SLC25A12: variants seen among roughly 807,000 people sequenced by gnomAD.
The protein encoded by SLC25A12 is solute carrier family 25 member 12, also known as electrogenic aspartate/glutamate antiporter SLC25A12, mitochondrial.
A neutral mutation model predicts 83.3 loss-of-function variants in SLC25A12; 32 were observed. That is an observed-to-expected ratio of 0.38 (90% CI 0.29 to 0.52). The LOEUF (loss-of-function observed/expected upper bound fraction) is 0.52, where lower values mean the gene tolerates loss of function less well. Among genes scored for constraint, SLC25A12 ranks in the 20% least tolerant of loss-of-function variants. The pLI is 0.84. For synonymous variants in SLC25A12, 267 were observed against 291.1 expected (o/e 0.92, Z 0.84); for missense variants, 611 against 835.6 (o/e 0.73, Z 3.31).
chr2:171,783,948 T>C lies in SLC25A12; in HGVS notation c.*1326A>G, dbSNP rs1339078365. 6.6e-6 allele frequency among the ~76,000 whole-genome samples: 1 copy of C among 152,224 alleles called. No homozygotes were observed. The highest frequency in any genetic ancestry group is 6.5e-5 in the Admixed American group (1 of 15,284). Reference sequence around the variant, plus strand: ...GGCTCGCCTCTTGAAAATATTTGCATACATTCTCATATCCCAGCTTACTGG... The same window carrying C: ...GGCTCGCCTCTTGAAAATATTTGCACACATTCTCATATCCCAGCTTACTGG... On this transcript the variant is annotated 3_prime_UTR_variant, in exon 18 of 18. Coordinates refer to ENST00000422440, the MANE Select transcript of SLC25A12 (RefSeq NM_003705.5).
chr2:171,877,726 A>G (rs1300233125), intron 2 of SLC25A12, among the ~76,000 whole-genome samples: 2 of 151,980 alleles, frequency 1.3e-5, no homozygotes, highest in Admixed American at 6.6e-5. Context: ...TTAACTACAC[A>G]TTACAAAGAC....
At chr2:171,805,257 C>A (rs537895581) in intron 13 of SLC25A12, among the ~76,000 whole-genome samples, 1 of 151,860 alleles carries the variant, frequency 6.6e-6, no homozygotes, top group Non-Finnish European at 1.5e-5. Flanking sequence ...TGTAGGAACG[C>A]GCCACTTCAC....
At chr2:171,836,985 A>C (rs1684572825) in intron 6 of SLC25A12, 136 bp downstream of exon 6, 6 of 763,270 alleles carry the variant, frequency 7.9e-6, no homozygotes, top group African/African-American at 3.5e-5. Flanking sequence ...CACACACACA[A>C]ACCTGTTTAC....
chr2:171,874,588 A>T (rs1417360554), intron 2 of SLC25A12, among the ~76,000 whole-genome samples: 8 of 152,312 alleles, frequency 5.3e-5, no homozygotes, highest in Non-Finnish European at 1.2e-4. Flanking sequence ...AGAGGTGTCT[A>T]TTCTCTAATA....
intron 8 of SLC25A12, among the ~76,000 whole-genome samples, chr2:171,830,815 G>A (rs1574705126): frequency 1.3e-5 from 2 of 152,108 alleles, no homozygotes; most frequent in African/African-American, 4.8e-5. Flanking sequence ...ACCCAGCCAG[G>A]TTGTTTAATA....
chr2:171,819,362 TTA>T (rs1311239954), intron 9 of SLC25A12, among the ~76,000 whole-genome samples: 6 of 84,818 alleles, frequency 7.1e-5, no homozygotes, highest in Non-Finnish European at 1.4e-4. Flanking sequence ...TGTATTTATA[TTA>T]TATATAATAT....
At chr2:171,787,984 A>G (rs374295620) in intron 15 of SLC25A12, 37 bp from the exon 16 acceptor site, 36 of 1,608,412 alleles carry the variant, frequency 2.2e-5, no homozygotes, top group Non-Finnish European at 3.1e-5. Flanking sequence ...TATCTAGAGT[A>G]CCTTATAAAA....
intron 9 of SLC25A12, among the ~76,000 whole-genome samples, chr2:171,817,591 ACT>A (rs534473257): frequency 1.5e-3 from 132 of 87,096 alleles, no homozygotes; most frequent in Middle Eastern, 8.2e-3. Context: ...ACAGAGCAAG[ACT>A]CTGCCTCAAA....
chr2:171,860,872 A>AAAAGTTCAAGACCAGCCTAAGCAACATAG (rs1685143049), intron 3 of SLC25A12, among the ~76,000 whole-genome samples: 1 of 152,112 alleles, frequency 6.6e-6, no homozygotes, highest in Non-Finnish European at 1.5e-5. Flanking sequence ...GCTTAAGCCC[A>AAAAGTTCAAGACCAGCCTAAGCAACATAG]AAAGTTCAAG....
At chr2:171,802,277 G>A (rs1683723993) in intron 13 of SLC25A12, among the ~76,000 whole-genome samples, 1 of 152,084 alleles carries the variant, frequency 6.6e-6, no homozygotes, top group African/African-American at 2.4e-5. Context: ...AAGTGTGGAG[G>A]TTACAGTCAT....
intron 9 of SLC25A12, among the ~76,000 whole-genome samples, chr2:171,826,558 G>A (rs565635886): frequency 5.9e-5 from 9 of 152,222 alleles, no homozygotes; most frequent in Admixed American, 2.0e-4. Flanking sequence ...GCAGTAAGCC[G>A]AGATCACGCC....
At chr2:171,832,952 G>A (rs1684474136) in intron 8 of SLC25A12, among the ~76,000 whole-genome samples, 1 of 152,154 alleles carries the variant, frequency 6.6e-6, no homozygotes, top group African/African-American at 2.4e-5. Flanking sequence ...TATAACAACA[G>A]CTGTCCACAT....
chr2:171,843,927 C>T (rs1684737121), intron 5 of SLC25A12, among the ~76,000 whole-genome samples: 2 of 151,208 alleles, frequency 1.3e-5, no homozygotes, highest in African/African-American at 4.9e-5. Context: ...TCCCAAGTAG[C>T]TAGGACTACA....
chr2:171,831,041 G>T (rs1427225941), intron 8 of SLC25A12, among the ~76,000 whole-genome samples: 2 of 152,262 alleles, frequency 1.3e-5, no homozygotes, highest in Non-Finnish European at 2.9e-5. Context: ...ATCAGTGACT[G>T]AGCAGCGAGC....
At chr2:171,813,747 A>C (rs1683992962) in intron 10 of SLC25A12, among the ~76,000 whole-genome samples, 1 of 152,252 alleles carries the variant, frequency 6.6e-6, no homozygotes, top group African/African-American at 2.4e-5. Flanking sequence ...GTAGGTTCAT[A>C]AACTACAGAG....
chr2:171,893,266 CA>C lies in SLC25A12; in HGVS notation c.13-9del. On this transcript the variant is annotated splice_polypyrimidine_tract_variant and intron_variant, in intron 1 of 17. Coordinates refer to ENST00000422440, the MANE Select transcript of SLC25A12 (RefSeq NM_003705.5). The stretch of plus-strand genomic sequence containing the variant: ...TCGCTTAGTTGTCTGCACCTGTAAG[CA>C]AAAAAGAAAAAAAAGCCAGTTAATG... The C allele has an allele frequency of 6.2e-7, 1 of 1,609,780 alleles. No individual in the cohort carries two copies. The highest frequency in any genetic ancestry group is 1.7e-5 in the Admixed American group (1 of 59,150).
Position 171,835,993 on chromosome 2 carries a change from A to T in SLC25A12, c.612+1128T>A, listed in dbSNP as rs3770447. 7.3e-4 allele frequency among the ~76,000 whole-genome samples: 111 copies of T among 152,298 alleles called. 3 individuals are homozygous for T. In the East Asian group the frequency reaches 0.019, roughly 25 times the overall value. On this transcript the variant is annotated intron_variant, in intron 6 of 17. Coordinates refer to ENST00000422440, the MANE Select transcript of SLC25A12 (RefSeq NM_003705.5). ...TAGGTCTATCTAACCTAGTTGGAAA[A>T]GATTAAATGAGTCCCTTCCCACTAA...
chr2:171,793,371 G>T (rs370785414), intron 14 of SLC25A12, among the ~76,000 whole-genome samples: 2 of 152,168 alleles, frequency 1.3e-5, no homozygotes, highest in Non-Finnish European at 2.9e-5. Flanking sequence ...ATGAAAGGCT[G>T]TGAGCCTGAG....
At chr2:171,873,245 G>A (rs1222224927) in intron 2 of SLC25A12, among the ~76,000 whole-genome samples, 20 of 152,038 alleles carry the variant, frequency 1.3e-4, no homozygotes, top group Admixed American at 1.3e-3. Context: ...TCAGGAGATC[G>A]AGGCCATCCT....
Sources: gnomAD v4.1 joint callset for allele counts (sites outside exome capture counted in the v4.1 genomes callset) on GRCh38, gnomAD v4.1.1 for gene constraint, MANE v1.5 for transcripts, NCBI Gene and HGNC (gene_info 2026-07-23, HGNC 2026-07-21) for gene names.